Variants in PUM1 observed in about 807,000 individuals in gnomAD.
The protein encoded by PUM1 is pumilio homolog 1.
In PUM1, 13 loss-of-function variants were observed where a neutral mutation model predicts 131.8. That is an observed-to-expected ratio of 0.10 (90% confidence interval 0.06 to 0.16). The LOEUF (loss-of-function observed/expected upper bound fraction) is 0.16, where lower values mean the gene tolerates loss of function less well. PUM1 is among the 10% of genes least tolerant of loss of function. The pLI is 1.00. For synonymous variants in PUM1, 509 were observed against 556.5 expected, an observed-to-expected ratio of 0.91 and a Z score of 1.20; for missense variants, 961 against 1,512.4, an observed-to-expected ratio of 0.64 and a Z score of 6.05.
At chr1:30,985,650 CAA>C (rs372548441) in intron 7 of PUM1, among the ~76,000 whole-genome samples, 20 of 65,224 alleles carry the variant, frequency 3.1e-4, no homozygotes, top group African/African-American at 7.4e-4. Flanking sequence ...AACTCCATCT[CAA>C]AAAAAAAAAA....
chr1:31,024,171 A>G (rs944325488), intron 3 of PUM1, among the ~76,000 whole-genome samples: 1 of 152,168 alleles, frequency 6.6e-6, no homozygotes, highest in South Asian at 2.1e-4. Context: ...AAGTAAGTGC[A>G]AAGAAGATGA....
intron 3 of PUM1, among the ~76,000 whole-genome samples, chr1:31,025,545 CTTTTTTTTTTT>C (rs35510099): frequency 1.1e-5 from 1 of 88,822 alleles, no homozygotes. Flanking sequence ...TGTTTTTTGT[CTTTTTTTTTTT>C]TTTTTTTTTT....
chr1:30,967,241 C>T lies in PUM1; in HGVS notation c.1715G>A (p.Arg572Lys). The T allele has an allele frequency of 6.2e-7, 1 of 1,614,114 alleles. No individual in the cohort carries two copies. Among genetic ancestry groups the T allele is most frequent in the Non-Finnish European group, 8.5e-7 (1 of 1,180,008 alleles). ...TCGAACAGGAGCTCCAAGACCATTT[C>T]TCGCGCCTGCATTCACTACAAGGGC... Reference protein sequence around the residue: ...TGALVVNAGARNGLGAPVRLV... With the variant: ...TGALVVNAGAKNGLGAPVRLV... The change falls in exon 12 of 22, where the codon AGA becomes AAA. Residue 572 changes from arginine (R) to lysine (K), a missense_variant. Around this residue, in one of 4 missense-constraint regions of PUM1, gnomAD observed 654 missense variants for 923.9 expected, o/e 0.71. Transcript: ENST00000426105.
At chr1:30,964,511 A>G (rs555058752) in intron 14 of PUM1, among the ~76,000 whole-genome samples, 163 bp downstream of exon 14, 7 of 152,330 alleles carry the variant, frequency 4.6e-5, no homozygotes, top group African/African-American at 1.7e-4. Flanking sequence ...TATACTATCT[A>G]TAGGTACAGC....
intron 7 of PUM1, among the ~76,000 whole-genome samples, chr1:30,982,900 C>G (rs535715689): frequency 6.6e-6 from 1 of 152,314 alleles, no homozygotes; most frequent in Non-Finnish European, 1.5e-5. Flanking sequence ...AGTAACCATG[C>G]ACAGATTTCA....
At chr1:30,970,568 AGT>A (rs1247941685) in intron 10 of PUM1, among the ~76,000 whole-genome samples, 1 of 152,226 alleles carries the variant, frequency 6.6e-6, no homozygotes, top group Non-Finnish European at 1.5e-5. Flanking sequence ...TGTAAGAGAA[AGT>A]GTGTTTCAAA....
chr1:30,983,540 C>A (rs549243680), intron 7 of PUM1, among the ~76,000 whole-genome samples: 2 of 152,082 alleles, frequency 1.3e-5, no homozygotes, highest in Non-Finnish European at 2.9e-5. Context: ...AAGGGTATCT[C>A]GATTTATTAA....
intron 2 of PUM1, among the ~76,000 whole-genome samples, chr1:31,054,093 C>CA (rs368330168): frequency 0.15 from 8,452 of 54,800 alleles, 1,481 homozygotes; most frequent in Non-Finnish European, 0.18. Context: ...GACTTTATTT[C>CA]AAAAAAAAAA....
intron 3 of PUM1, among the ~76,000 whole-genome samples, chr1:31,021,683 T>G (rs1643032455): frequency 6.6e-6 from 1 of 152,184 alleles, no homozygotes; most frequent in Admixed American, 6.5e-5. Context: ...ATCTGGGGCT[T>G]TGATAAGCCA....
intron 2 of PUM1, among the ~76,000 whole-genome samples, chr1:31,038,536 G>A (rs4949334): frequency 0.69 from 104,939 of 151,954 alleles, 37,635 homozygotes; most frequent in East Asian, 0.87. Context: ...TCCCTTGAGC[G>A]TCTAGCACAG....
intron 3 of PUM1, among the ~76,000 whole-genome samples, chr1:31,024,904 C>T (rs1276001549): frequency 1.3e-5 from 2 of 152,238 alleles, no homozygotes; most frequent in Admixed American, 1.3e-4. Flanking sequence ...GAGCCTTCCT[C>T]TCTACTACAA....
At chr1:31,038,921 A>T (rs561217547) in intron 2 of PUM1, among the ~76,000 whole-genome samples, 46 of 138,620 alleles carry the variant, frequency 3.3e-4, no homozygotes, top group Non-Finnish European at 5.2e-4. Flanking sequence ...GCATATACTT[A>T]GAGAATTTAT....
intron 3 of PUM1, among the ~76,000 whole-genome samples, chr1:31,018,462 G>A (rs1570282104): frequency 6.6e-6 from 1 of 151,768 alleles, no homozygotes; most frequent in East Asian, 1.9e-4. Flanking sequence ...TCGAGACCCA[G>A]CCTAACCAAT....
At chr1:30,952,661 G>A (rs1393746937) in intron 15 of PUM1, among the ~76,000 whole-genome samples, 2 of 129,174 alleles carry the variant, frequency 1.5e-5, no homozygotes, top group Non-Finnish European at 3.3e-5. Flanking sequence ...CAAGGTGGGA[G>A]GGAAGATGAA....
rs147873459 is a variant in PUM1 at position 30,989,678 on chromosome 1, T to C, written c.1158+2712A>G. Among the ~76,000 whole-genome samples the C allele has an allele frequency of 1.1e-3, 169 of 150,304 alleles. 1 individual carries two copies. Among genetic ancestry groups the C allele is most frequent in the Middle Eastern group, 6.9e-3 (2 of 290 alleles). On this transcript the variant is annotated intron_variant, in intron 7 of 21. Coordinates refer to ENST00000426105, the MANE Select transcript of PUM1 (RefSeq NM_001020658.2). Reference sequence around the variant, plus strand: ...CCATAGTTGCAGGGTTCCAAGAATATGGGCATAAATGGTCTCATCACTTGT... The same window carrying C: ...CCATAGTTGCAGGGTTCCAAGAATACGGGCATAAATGGTCTCATCACTTGT...
intron 7 of PUM1, among the ~76,000 whole-genome samples, chr1:30,987,110 G>A (rs1641591890): frequency 6.6e-6 from 1 of 151,820 alleles, no homozygotes; most frequent in Non-Finnish European, 1.5e-5. Context: ...TCTAAATAAA[G>A]ATCAACAATA....
intron 2 of PUM1, among the ~76,000 whole-genome samples, chr1:31,046,708 G>T (rs1643977186): frequency 6.6e-6 from 1 of 151,792 alleles, no homozygotes; most frequent in African/African-American, 2.4e-5. Flanking sequence ...CTAACCTCGT[G>T]ATCCACCCAC....
chr1:31,053,152 A>G (rs979669481), intron 2 of PUM1, among the ~76,000 whole-genome samples: 2 of 151,300 alleles, frequency 1.3e-5, no homozygotes, highest in South Asian at 2.1e-4. Flanking sequence ...GATTACAGGC[A>G]CGTGCCACCA....
At chr1:30,942,529 C>T (rs1392825505) in intron 18 of PUM1, among the ~76,000 whole-genome samples, 3 of 151,982 alleles carry the variant, frequency 2.0e-5, no homozygotes, top group Admixed American at 1.3e-4. Flanking sequence ...AATGCTTTCA[C>T]ACCGCCAGAA....
Sources: gnomAD v4.1 joint callset for allele counts (sites outside exome capture counted in the v4.1 genomes callset) on GRCh38, gnomAD v4.1.1 for gene constraint, gnomAD v4.1.1 regional missense constraint, MANE v1.5 for transcripts, NCBI Gene and HGNC (gene_info 2026-07-23, HGNC 2026-07-21) for gene names.